Variants in MOB3B observed in about 807,000 individuals in gnomAD.
The protein encoded by MOB3B is MOB kinase activator 3B, also known as MOB kinase activator-like 2B.
Under a neutral mutation model 18.7 loss-of-function variants are expected in MOB3B, and 7 were observed. The ratio of observed to expected loss-of-function variants is 0.37; its 90% CI spans 0.21 to 0.70. The LOEUF is 0.70. MOB3B is among the 30% of genes least tolerant of loss of function. The pLI is 0.52. For missense variants in MOB3B, 253 were observed against 281.3 expected, an observed-to-expected ratio of 0.90 and a Z score of 0.72; for synonymous variants, 111 against 99.9, an observed-to-expected ratio of 1.11 and a Z score of -0.66.
intron 2 of MOB3B, among the ~76,000 whole-genome samples, chr9:27,423,282 C>T (rs1398589478): frequency 1.3e-5 from 2 of 152,026 alleles, no homozygotes; most frequent in Non-Finnish European, 2.9e-5. Flanking sequence ...AACTGCTAAA[C>T]ATTAAAAGTC....
intron 1 of MOB3B, among the ~76,000 whole-genome samples, chr9:27,491,422 G>A (rs1256744647): frequency 2.6e-5 from 4 of 152,142 alleles, no homozygotes; most frequent in African/African-American, 2.4e-5. Flanking sequence ...GCAGTGTACT[G>A]TTACAGCATT....
rs574705637 is a variant in MOB3B at position 27,512,967 on chromosome 9, G to T, written c.-199+16588C>A. 1.1e-4 allele frequency among the ~76,000 whole-genome samples: 17 copies of T among 152,236 alleles called. No individual in the cohort carries two copies. In the South Asian group the frequency reaches 3.3e-3, roughly 30 times the overall value. On this transcript the variant is annotated intron_variant, in intron 1 of 3. Transcript: ENST00000262244. Reference sequence around the variant, plus strand: ...AATTTAAGCCTCAGGCCAAACCTGGGAAATTCAAGCCTCAACCTCAACCTA... The same window carrying T: ...AATTTAAGCCTCAGGCCAAACCTGGTAAATTCAAGCCTCAACCTCAACCTA...
intron 2 of MOB3B, among the ~76,000 whole-genome samples, chr9:27,377,443 C>G (rs1821505496): frequency 6.6e-6 from 1 of 152,062 alleles, no homozygotes; most frequent in African/African-American, 2.4e-5. Context: ...ATCTGGACCT[C>G]AAAACTGCCA....
At chr9:27,436,563 G>A (rs2814703) in intron 2 of MOB3B, among the ~76,000 whole-genome samples, 152,224 of 152,350 alleles carry the variant, frequency 1, 76,049 homozygotes, top group Non-Finnish European at 1. Flanking sequence ...CTACTGTACT[G>A]TTGGGTACAT....
At chr9:27,492,460 A>G (rs1819833262) in intron 1 of MOB3B, among the ~76,000 whole-genome samples, 1 of 152,228 alleles carries the variant, frequency 6.6e-6, no homozygotes, top group African/African-American at 2.4e-5. Flanking sequence ...CCCAGGTATC[A>G]AACAGGTAGT....
At chr9:27,464,084 A>G (rs1563875158) in intron 1 of MOB3B, among the ~76,000 whole-genome samples, 1 of 152,260 alleles carries the variant, frequency 6.6e-6, no homozygotes, top group South Asian at 2.1e-4. Context: ...AAACAATTAT[A>G]TGGTTATTGA....
rs909761802 is a variant in MOB3B at position 27,328,797 on chromosome 9, T to C, written c.*1790A>G. On this transcript the variant is annotated 3_prime_UTR_variant, in exon 4 of 4. Coordinates refer to ENST00000262244, the MANE Select transcript of MOB3B (RefSeq NM_024761.5). ...GGCTCTTGTTTCTGTTCTCTGGATC[T>C]CTGTGATGGTCAGATATTCTTTTGG... The C allele has an allele frequency of 6.6e-6, 1 of 152,630 alleles. No homozygotes were observed. The highest frequency in any genetic ancestry group is 1.5e-5 in the Non-Finnish European group (1 of 68,048). The allele number at this position is 152,630 out of a possible 1,614,324, so 9.5% of individuals were successfully genotyped here.
intron 3 of MOB3B, among the ~76,000 whole-genome samples, chr9:27,354,058 T>C (rs995822764): frequency 1.3e-5 from 2 of 152,232 alleles, no homozygotes; most frequent in African/African-American, 4.8e-5. Flanking sequence ...CCCTCCCTGC[T>C]GGAGACCAAG....
At chr9:27,443,690 C>A (rs1822630551) in intron 2 of MOB3B, among the ~76,000 whole-genome samples, 1 of 152,172 alleles carries the variant, frequency 6.6e-6, no homozygotes, top group South Asian at 2.1e-4. Flanking sequence ...TTCTCATACA[C>A]CCACCTTGAG....
chr9:27,438,855 G>A (rs1280096920), intron 2 of MOB3B, among the ~76,000 whole-genome samples: 2 of 152,116 alleles, frequency 1.3e-5, no homozygotes, highest in Non-Finnish European at 2.9e-5. Context: ...AACTCCTTGA[G>A]GGGTGACTGA....
intron 2 of MOB3B, chr9:27,378,719 T>G: frequency 2.1e-6 from 1 of 469,374 alleles, no homozygotes; most frequent in South Asian, 1.6e-5. Flanking sequence ...TGCATGTGCA[T>G]GGGCAGAGCT....
At chr9:27,372,703 A>G (rs780141477) in intron 2 of MOB3B, among the ~76,000 whole-genome samples, 2 of 152,244 alleles carry the variant, frequency 1.3e-5, no homozygotes, top group South Asian at 2.1e-4. Flanking sequence ...TCTACAAAAC[A>G]TCTGACTGGT....
chr9:27,398,427 G>A (rs1254044772), intron 2 of MOB3B, among the ~76,000 whole-genome samples: 1 of 152,180 alleles, frequency 6.6e-6, no homozygotes, highest in Admixed American at 6.5e-5. Flanking sequence ...TAAAAATGAA[G>A]ATAATAATTC....
chr9:27,425,373 C>CA (rs57574286), intron 2 of MOB3B, among the ~76,000 whole-genome samples: 1,379 of 52,896 alleles, frequency 0.026, 15 homozygotes, highest in Middle Eastern at 0.14. Flanking sequence ...AAAACTGTCT[C>CA]AAAAAAAAAA....
intron 2 of MOB3B, among the ~76,000 whole-genome samples, chr9:27,438,594 T>C (rs1166820108): frequency 1.3e-5 from 2 of 152,192 alleles, no homozygotes; most frequent in African/African-American, 2.4e-5. Context: ...CAATACTTCA[T>C]GTGAAAAACC....
intron 1 of MOB3B, among the ~76,000 whole-genome samples, chr9:27,496,737 C>G (rs1819907008): frequency 6.6e-6 from 1 of 152,186 alleles, no homozygotes; most frequent in Admixed American, 6.5e-5. Flanking sequence ...TCCATCCACT[C>G]TAAACTCTCC....
chr9:27,485,091 A>C (rs1471372889), intron 1 of MOB3B, among the ~76,000 whole-genome samples: 1 of 152,218 alleles, frequency 6.6e-6, no homozygotes, highest in African/African-American at 2.4e-5. Context: ...GGATGTCTCA[A>C]GGGCATCCAG....
intron 2 of MOB3B, among the ~76,000 whole-genome samples, chr9:27,370,355 A>C (rs201212362): frequency 6.6e-6 from 1 of 152,034 alleles, no homozygotes; most frequent in Admixed American, 6.5e-5. Flanking sequence ...CTAAAAATAC[A>C]AAATTAGCCG....
intron 1 of MOB3B, among the ~76,000 whole-genome samples, chr9:27,513,935 G>A (rs1002015890): frequency 7.2e-6 from 1 of 139,210 alleles, no homozygotes; most frequent in Non-Finnish European, 1.6e-5. Context: ...ATGGTGGGTG[G>A]GTGGATGGAT....
Sources: allele counts gnomAD v4.1 joint callset (sites outside exome capture counted in the v4.1 genomes callset), GRCh38; gene constraint gnomAD v4.1.1; transcripts MANE v1.5; gene names NCBI Gene and HGNC (gene_info 2026-07-23, HGNC 2026-07-21).